The following TBX18 variants were observed in gnomAD, a reference collection of about 807,000 sequenced individuals.
TBX18 encodes T-box transcription factor TBX18.
In TBX18, 21 loss-of-function variants were observed where a neutral mutation model predicts 55.0. That is an observed-to-expected ratio of 0.38 (90% CI 0.27 to 0.55). The LOEUF is 0.55. Among genes scored for constraint, TBX18 ranks in the 20% least tolerant of loss-of-function variants. The probability of loss-of-function intolerance (pLI) is 0.73; values close to 1 mark genes in which losing one functional copy is unlikely to be tolerated. For missense variants in TBX18, 840 were observed against 799.6 expected, an observed-to-expected ratio of 1.05 and a Z score of -0.61; for synonymous variants, 342 against 326.1, an observed-to-expected ratio of 1.05 and a Z score of -0.53.
chr6:84,760,133 T>C (rs1369530203), intron 3 of TBX18, 122 bp downstream of exon 3: 2 of 538,726 alleles, frequency 3.7e-6, no homozygotes, highest in Non-Finnish European at 5.8e-6. Flanking sequence ...CGTTAAAGTA[T>C]GGATCTGGAA....
chr6:84,759,687 AAAC>A (rs1345867877), intron 3 of TBX18, among the ~76,000 whole-genome samples: 1 of 152,106 alleles, frequency 6.6e-6, no homozygotes, highest in Non-Finnish European at 1.5e-5. Flanking sequence ...CATACCAAAA[AAAC>A]AACAGAAAGG....
chr6:84,755,007 G>A lies in TBX18; in HGVS notation c.771+1691C>T, dbSNP rs575945429. 2.6e-5 allele frequency among the ~76,000 whole-genome samples: 4 copies of A among 152,166 alleles called. No individual in the cohort carries two copies. In the East Asian group the frequency reaches 7.7e-4, roughly 29 times the overall value. On this transcript the variant is annotated intron_variant, in intron 4 of 7. Coordinates refer to ENST00000369663, the MANE Select transcript of TBX18 (RefSeq NM_001080508.3). ...AAAATAAATTGTTCTCTCTGTGTCT[G>A]TTTTTCTCTCTTTCTTTCTCTCTCC...
At position 84,764,162 on chromosome 6, in the gene TBX18, C is replaced by A; in HGVS notation, c.20G>T (p.Gly7Val). MAEKRR[G>V]SPCSMLSLKA... ...GAGGCTTAGCATGCTGCACGGCGAG[C>A]CCCTTCGCTTCTCGGCCATCCCCCC... The change falls in exon 1 of 8, where the codon GGC becomes GTC. Residue 7 changes from glycine to valine, a missense_variant. Coordinates refer to ENST00000369663, the MANE Select transcript of TBX18 (RefSeq NM_001080508.3). The A allele has an allele frequency of 6.6e-7, 1 of 1,517,490 alleles. No individual in the cohort carries two copies. 94.0% of individuals were successfully genotyped at this position (1,517,490 alleles called of 1,614,324 possible).
chr6:84,756,635 G>A, intron 4 of TBX18, 63 bp downstream of exon 4: 1 of 1,473,176 alleles, frequency 6.8e-7, no homozygotes, highest in Non-Finnish European at 9.4e-7. Flanking sequence ...ATTTCCTTTA[G>A]TCAGGCACAG....
In TBX18 at chr6:84,764,367, A is replaced by C; in HGVS notation, c.-186T>G. 1.2e-6 allele frequency: 1 copy of C among 821,362 alleles called. No individual in the cohort carries two copies. Among genetic ancestry groups the C allele is most frequent in the South Asian group, 2.8e-5 (1 of 36,322 alleles). 50.9% of individuals were successfully genotyped at this position (821,362 alleles called of 1,614,324 possible). ...TTCTCGCTTGTGTTGGGATCCAGGAACCGGCGACGCGCCGGCCAAGTCTCC... is the reference window on the plus strand; with the variant it reads ...TTCTCGCTTGTGTTGGGATCCAGGACCCGGCGACGCGCCGGCCAAGTCTCC... On this transcript the variant is annotated 5_prime_UTR_variant, in exon 1 of 8. Transcript: ENST00000369663.
chr6:84,750,008 G>A lies in TBX18; in HGVS notation c.772-1921C>T, dbSNP rs1454915752. ...CTCATTTAAAAAGGTATAATCAGCC[G>A]AGCATGGTGGCTCACGCCTGTAATC... On this transcript the variant is annotated intron_variant, in intron 4 of 7. Coordinates refer to ENST00000369663, the MANE Select transcript of TBX18 (RefSeq NM_001080508.3). Among the ~76,000 whole-genome samples the A allele has an allele frequency of 5.9e-5, 9 of 152,030 alleles. No individual in the cohort carries two copies. In the South Asian group the frequency reaches 8.3e-4, roughly 14 times the overall value.
intron 4 of TBX18, among the ~76,000 whole-genome samples, chr6:84,755,203 G>T (rs886584749): frequency 6.6e-6 from 1 of 151,856 alleles, no homozygotes; most frequent in Admixed American, 6.6e-5. Flanking sequence ...TAATTTGAAC[G>T]GAAAGAACTA....
chr6:84,737,272 C>A lies in TBX18; in HGVS notation c.1237G>T (p.Ala413Ser), dbSNP rs751192495. 1 of 1,608,352 alleles carries A rather than the reference C, an allele frequency of 6.2e-7. No homozygotes were observed. Residue 413 changes from alanine (A) to serine (S), a missense_variant, in exon 8 of 8, where the codon GCC becomes TCC. Coordinates refer to ENST00000369663, the MANE Select transcript of TBX18 (RefSeq NM_001080508.3). ...GCACAGGCAGAATAGTCAGCAGGGG[C>A]CAGACTACACAGCTGGCTGGTGTTG... ...GPNTSQLCSL[A>S]PADYSACARS...
chr6:84,741,870 G>A (rs1767057109), intron 6 of TBX18: 1 of 152,078 alleles, frequency 6.6e-6, no homozygotes, highest in Non-Finnish European at 1.5e-5. Flanking sequence ...TTTTTTAAAG[G>A]AAACTAATAC....
chr6:84,764,244 C>G lies in TBX18; in HGVS notation c.-63G>C, dbSNP rs1767756079. ...ACACTCACGCGGGCACACGCGCGCT[C>G]TCGCTCTTCCCCCACCAAAAACTAA... On this transcript the variant is annotated 5_prime_UTR_variant, in exon 1 of 8. Transcript: ENST00000369663. The G allele has an allele frequency of 1.5e-6, 2 of 1,377,714 alleles. No homozygotes were observed. The highest frequency in any genetic ancestry group is 1.7e-5 in the South Asian group (1 of 60,576). 85.3% of individuals were successfully genotyped at this position (1,377,714 alleles called of 1,614,324 possible).
Position 84,738,463 on chromosome 6 carries a change from CTGTAT to C in TBX18, c.1099+29_1099+33del, listed in dbSNP as rs575333475. On this transcript the variant is annotated intron_variant, in intron 7 of 7. Coordinates refer to ENST00000369663, the MANE Select transcript of TBX18 (RefSeq NM_001080508.3). ...GCCTGAGTTTCTAGGCAGGAACGGGCTGTATATATGACCCAGGAGACTTTGTGAGT... is the reference window on the plus strand; with the variant it reads ...GCCTGAGTTTCTAGGCAGGAACGGGCATATGACCCAGGAGACTTTGTGAGT... 30 of 1,534,716 alleles carry C rather than the reference CTGTAT, an allele frequency of 2.0e-5. 1 individual carries two copies. The African/African-American group carries it at 3.5e-4, about 18-fold the overall frequency.
chr6:84,755,124 T>TATA (rs1554220589), intron 4 of TBX18, among the ~76,000 whole-genome samples: 38 of 151,946 alleles, frequency 2.5e-4, no homozygotes, highest in African/African-American at 8.9e-4. Flanking sequence ...ATAAAGTTAA[T>TATA]ATATAGATTG....
intron 4 of TBX18, among the ~76,000 whole-genome samples, chr6:84,754,691 T>C (rs566135941): frequency 1.3e-5 from 2 of 152,374 alleles, no homozygotes; most frequent in South Asian, 2.1e-4. Flanking sequence ...AGTACCCAGA[T>C]ACTTGGTCAA....
intron 4 of TBX18, among the ~76,000 whole-genome samples, chr6:84,755,202 C>T (rs191926896): frequency 3.3e-5 from 5 of 151,976 alleles, no homozygotes; most frequent in East Asian, 1.9e-4. Flanking sequence ...GTAATTTGAA[C>T]GGAAAGAACT....
Position 84,743,525 on chromosome 6 carries a change from G to A in TBX18, c.1004+736C>T, listed in dbSNP as rs118027263. The stretch of plus-strand genomic sequence containing the variant: ...TAAGCAGAAGCCTTACTCTGAAAAG[G>A]CATTTGCAGAACTGTAGTCTATTAT... On this transcript the variant is annotated intron_variant, in intron 6 of 7. Transcript: ENST00000369663. Among the ~76,000 whole-genome samples, 743 of 152,182 alleles carry A rather than the reference G, an allele frequency of 4.9e-3. 2 individuals are homozygous for A. The highest frequency in any genetic ancestry group is 0.014 in the Middle Eastern group (4 of 294).
chr6:84,763,472 A>C (rs1767714403), intron 1 of TBX18: 1 of 469,304 alleles, frequency 2.1e-6, no homozygotes, highest in South Asian at 1.5e-5. Flanking sequence ...CCTGGTTTGC[A>C]CAAACGGTTT....
intron 3 of TBX18, among the ~76,000 whole-genome samples, chr6:84,758,736 C>T (rs1767563392): frequency 6.6e-6 from 1 of 152,150 alleles, no homozygotes; most frequent in East Asian, 1.9e-4. Context: ...TTTGAATAGT[C>T]AAAACTCCAC....
At chr6:84,762,143 TTAAAAA>T (rs1424897632) in intron 2 of TBX18, among the ~76,000 whole-genome samples, 1 of 146,640 alleles carries the variant, frequency 6.8e-6, no homozygotes, top group Admixed American at 7.1e-5. Context: ...AAACTGCTGT[TTAAAAA>T]TAAAAGAGAA....
chr6:84,735,221 G>A lies in TBX18; in HGVS notation c.*1464C>T, dbSNP rs770850812. 3 of 152,190 alleles carry A rather than the reference G, an allele frequency of 2.0e-5. No individual in the cohort carries two copies. Among genetic ancestry groups the A allele is most frequent in the Non-Finnish European group, 2.9e-5 (2 of 68,028 alleles). 9.4% of individuals were successfully genotyped at this position (152,190 alleles called of 1,614,324 possible). On this transcript the variant is annotated 3_prime_UTR_variant, in exon 8 of 8. Transcript: ENST00000369663. ...ATGTTATTTCGCTTTCTCCTCAGAA[G>A]GGGAATGTGCCTCATCATGTATTCT...
Sources: gnomAD v4.1 joint callset for allele counts (sites outside exome capture counted in the v4.1 genomes callset) on GRCh38, gnomAD v4.1.1 for gene constraint, MANE v1.5 for transcripts, NCBI Gene and HGNC (gene_info 2026-07-23, HGNC 2026-07-21) for gene names.